The following PPP2R5E variants were observed in gnomAD, a reference collection of about 807,000 sequenced individuals.
The protein encoded by PPP2R5E is serine/threonine-protein phosphatase 2A 56 kDa regulatory subunit epsilon isoform.
A neutral mutation model predicts 65.3 loss-of-function variants in PPP2R5E; 4 were observed. The ratio of observed to expected loss-of-function variants is 0.06; its 90% CI spans 0.03 to 0.14. The LOEUF (loss-of-function observed/expected upper bound fraction) is 0.14. Among genes scored for constraint, PPP2R5E ranks in the 10% least tolerant of loss-of-function variants. The probability of loss-of-function intolerance (pLI) is 1.00; values close to 1 mark genes in which losing one functional copy is unlikely to be tolerated. For synonymous variants in PPP2R5E, 183 were observed against 187.4 expected (o/e 0.98, Z 0.19); for missense variants, 274 against 556.1 (o/e 0.49, Z 5.10).
At chr14:63,428,398 C>T (rs546136454) in intron 3 of PPP2R5E, among the ~76,000 whole-genome samples, 4 of 152,302 alleles carry the variant, frequency 2.6e-5, no homozygotes, top group Admixed American at 2.6e-4. Flanking sequence ...ATAAGTTCGT[C>T]CCATGCAATA....
At chr14:63,528,466 C>CT (rs1893273513) in intron 2 of PPP2R5E, among the ~76,000 whole-genome samples, 1 of 152,250 alleles carries the variant, frequency 6.6e-6, no homozygotes, top group East Asian at 1.9e-4. Flanking sequence ...AGGAATCACT[C>CT]TAAGTTTTTC....
intron 2 of PPP2R5E, among the ~76,000 whole-genome samples, chr14:63,465,352 G>C (rs551276063): frequency 6.7e-6 from 1 of 148,174 alleles, no homozygotes; most frequent in Non-Finnish European, 1.5e-5. Context: ...GGTGGCTCAC[G>C]CCCGTAATCC....
At chr14:63,437,559 A>T (rs1888004777) in intron 3 of PPP2R5E, among the ~76,000 whole-genome samples, 1 of 151,646 alleles carries the variant, frequency 6.6e-6, no homozygotes, top group South Asian at 2.1e-4. Flanking sequence ...ATTGTCTACA[A>T]TTTTTTTTTA....
intron 2 of PPP2R5E, among the ~76,000 whole-genome samples, chr14:63,496,659 G>C (rs552502642): frequency 6.6e-6 from 1 of 152,042 alleles, no homozygotes; most frequent in Admixed American, 6.6e-5. Context: ...TAATTTAGCA[G>C]AATCTCATCA....
At chr14:63,528,925 G>C (rs1408415375) in intron 2 of PPP2R5E, among the ~76,000 whole-genome samples, 1 of 152,110 alleles carries the variant, frequency 6.6e-6, no homozygotes, top group Admixed American at 6.6e-5. Context: ...ATTTTAATGG[G>C]GGAGGGGAGA....
chr14:63,513,878 C>T (rs116063674), intron 2 of PPP2R5E, among the ~76,000 whole-genome samples: 1,874 of 152,268 alleles, frequency 0.012, 42 homozygotes, highest in African/African-American at 0.043. Flanking sequence ...AGAGAAAGGA[C>T]TAGAATATCA....
intron 3 of PPP2R5E, among the ~76,000 whole-genome samples, chr14:63,448,588 A>T (rs1888637457): frequency 6.6e-6 from 1 of 151,950 alleles, no homozygotes. Context: ...CAGGAGTTCG[A>T]GACTAGCCTG....
At chr14:63,497,536 G>A (rs970336800) in intron 2 of PPP2R5E, among the ~76,000 whole-genome samples, 1 of 151,978 alleles carries the variant, frequency 6.6e-6, no homozygotes, top group Admixed American at 6.6e-5. Context: ...ATCACCTGAG[G>A]TCAGGAGTTC....
chr14:63,424,965 T>C (rs975994171), intron 3 of PPP2R5E, among the ~76,000 whole-genome samples: 9 of 152,206 alleles, frequency 5.9e-5, no homozygotes, highest in East Asian at 1.9e-4. Flanking sequence ...GCCGTATCTA[T>C]TGGACTTGGT....
intron 12 of PPP2R5E, among the ~76,000 whole-genome samples, chr14:63,383,417 C>A (rs1158076669): frequency 6.6e-5 from 10 of 152,096 alleles, no homozygotes; most frequent in Admixed American, 6.6e-4. Flanking sequence ...TGTTAAGGTT[C>A]CAGAATGACC....
At chr14:63,508,649 T>C (rs1031550913) in intron 2 of PPP2R5E, among the ~76,000 whole-genome samples, 1 of 152,226 alleles carries the variant, frequency 6.6e-6, no homozygotes, top group African/African-American at 2.4e-5. Flanking sequence ...ACTGAAGTCC[T>C]AGCTTGTCTT....
chr14:63,523,731 A>G (rs1278620455), intron 2 of PPP2R5E, among the ~76,000 whole-genome samples: 1 of 150,338 alleles, frequency 6.7e-6, no homozygotes, highest in African/African-American at 2.5e-5. Context: ...AAAAAAAACA[A>G]AGGTTACACG....
chr14:63,457,625 G>A (rs1212409602), intron 2 of PPP2R5E, among the ~76,000 whole-genome samples: 1 of 152,206 alleles, frequency 6.6e-6, no homozygotes, highest in African/African-American at 2.4e-5. Context: ...ATCTTCCAGT[G>A]AAAACCTCTG....
At chr14:63,512,106 A>T (rs1215946371) in intron 2 of PPP2R5E, among the ~76,000 whole-genome samples, 1 of 137,520 alleles carries the variant, frequency 7.3e-6, no homozygotes, top group Non-Finnish European at 1.6e-5. Context: ...AAAAAAAAAG[A>T]ATCTCAGAAC....
intron 2 of PPP2R5E, among the ~76,000 whole-genome samples, chr14:63,527,650 C>T (rs1221283502): frequency 3.3e-5 from 5 of 152,098 alleles, no homozygotes; most frequent in Non-Finnish European, 5.9e-5. Flanking sequence ...GAAGTCAGCT[C>T]CTGGCCAGGT....
chr14:63,454,344 C>T (rs1481841518), intron 2 of PPP2R5E, among the ~76,000 whole-genome samples: 2 of 152,124 alleles, frequency 1.3e-5, no homozygotes, highest in Admixed American at 6.5e-5. Context: ...GTATTTAAAG[C>T]TATTGTTGTG....
At chr14:63,522,762 G>C (rs1892990160) in intron 2 of PPP2R5E, among the ~76,000 whole-genome samples, 1 of 150,678 alleles carries the variant, frequency 6.6e-6, no homozygotes, top group Admixed American at 6.6e-5. Flanking sequence ...CGCCCCGTCT[G>C]AGAAGTGAGG....
At chr14:63,421,614 C>T (rs1370551970) in intron 4 of PPP2R5E, among the ~76,000 whole-genome samples, 1 of 152,116 alleles carries the variant, frequency 6.6e-6, no homozygotes, top group African/African-American at 2.4e-5. Context: ...TACAAAGTTC[C>T]CAGGGTACAT....
intron 2 of PPP2R5E, among the ~76,000 whole-genome samples, chr14:63,515,465 G>A (rs1274944814): frequency 1.3e-5 from 2 of 151,836 alleles, no homozygotes; most frequent in Non-Finnish European, 2.9e-5. Flanking sequence ...TGGAGCCTTG[G>A]TTTCCCTCAT....
Sources: gnomAD v4.1 joint callset for allele counts (sites outside exome capture counted in the v4.1 genomes callset) on GRCh38, gnomAD v4.1.1 for gene constraint, MANE v1.5 for transcripts, NCBI Gene and HGNC (gene_info 2026-07-23, HGNC 2026-07-21) for gene names.